PTPRT: variants seen among roughly 807,000 people sequenced by gnomAD.
PTPRT encodes the protein protein tyrosine phosphatase receptor type T.
A neutral mutation model predicts 176.8 loss-of-function variants in PTPRT; 56 were observed. That is an observed-to-expected ratio of 0.32 (90% CI 0.26 to 0.40). PTPRT has a LOEUF of 0.40. PTPRT is among the 10% of genes least tolerant of loss of function. PTPRT has a pLI of 1.00. For missense variants in PTPRT, 1,540 were observed against 1,908.2 expected, an observed-to-expected ratio of 0.81 and a Z score of 3.60; for synonymous variants, 783 against 739.0, an observed-to-expected ratio of 1.06 and a Z score of -0.96.
intron 14 of PTPRT, 142 bp from the exon 15 acceptor site, chr20:42,236,400 G>A (rs1337155119): frequency 8.8e-6 from 6 of 679,122 alleles, no homozygotes; most frequent in Non-Finnish European, 1.5e-5. Flanking sequence ...AGCTCAAGGA[G>A]ATGCAAGTTC....
At chr20:42,439,006 T>C (rs2059288001) in intron 9 of PTPRT, among the ~76,000 whole-genome samples, 1 of 152,232 alleles carries the variant, frequency 6.6e-6, no homozygotes, top group Non-Finnish European at 1.5e-5. Context: ...CCTTCCAGAC[T>C]CTGAGTGCCA....
chr20:42,816,809 G>A (rs2077794788), intron 2 of PTPRT, among the ~76,000 whole-genome samples: 1 of 152,142 alleles, frequency 6.6e-6, no homozygotes, highest in Non-Finnish European at 1.5e-5. Flanking sequence ...TAGCCTCAGG[G>A]AAGTTCTTTA....
intron 9 of PTPRT, among the ~76,000 whole-genome samples, chr20:42,434,400 C>T (rs541813838): frequency 1.3e-5 from 2 of 152,206 alleles, no homozygotes; most frequent in Admixed American, 6.5e-5. Context: ...GGGGATATAC[C>T]TGTGAATACA....
chr20:42,748,038 C>T (rs1397297187), intron 6 of PTPRT, among the ~76,000 whole-genome samples: 1 of 152,302 alleles, frequency 6.6e-6, no homozygotes, highest in East Asian at 1.9e-4. Context: ...CCAAATCCAG[C>T]CCTCTGCCTG....
intron 23 of PTPRT, 119 bp downstream of exon 23, chr20:42,110,214 G>A (rs899750680): frequency 1.2e-5 from 12 of 964,408 alleles, no homozygotes; most frequent in Non-Finnish European, 1.7e-5. Context: ...GACCAGCTAA[G>A]TTTTTGTATC....
intron 9 of PTPRT, among the ~76,000 whole-genome samples, chr20:42,401,514 C>A (rs1306612281): frequency 6.6e-6 from 1 of 152,014 alleles, no homozygotes; most frequent in African/African-American, 2.4e-5. Flanking sequence ...CAGCACTTTG[C>A]AGAACAGGAA....
chr20:42,804,628 G>A (rs1027339142), intron 2 of PTPRT, among the ~76,000 whole-genome samples: 2 of 152,222 alleles, frequency 1.3e-5, no homozygotes, highest in Non-Finnish European at 2.9e-5. Flanking sequence ...GAAGTTGATC[G>A]TCTCACAGTC....
At chr20:42,855,065 T>C (rs889312349) in intron 2 of PTPRT, among the ~76,000 whole-genome samples, 1 of 152,194 alleles carries the variant, frequency 6.6e-6, no homozygotes, top group Non-Finnish European at 1.5e-5. Flanking sequence ...TTGTTTGTTG[T>C]TGTTTTAGTC....
the PTPRT span, among the ~76,000 whole-genome samples, chr20:42,045,989 C>T: frequency 1.3e-5 from 2 of 152,216 alleles, no homozygotes; most frequent in Non-Finnish European, 2.9e-5. Flanking sequence ...CTCAACTACT[C>T]TCCCAAGGCT....
intron 13 of PTPRT, among the ~76,000 whole-genome samples, chr20:42,264,743 TTGCTGTGC>T (rs1007862009): frequency 6.6e-6 from 1 of 152,228 alleles, no homozygotes; most frequent in African/African-American, 2.4e-5. Context: ...GGAGCTGGGG[TTGCTGTGC>T]TGCTGTGCCC....
chr20:42,442,588 T>A lies in PTPRT; in HGVS notation c.1560+5632A>T, dbSNP rs1876742547. Among the ~76,000 whole-genome samples, 3 of 152,196 alleles carry A rather than the reference T, an allele frequency of 2.0e-5. No homozygotes were observed. The South Asian group carries it at 6.2e-4, about 32-fold the overall frequency. ...TACACTGTAATTAGAAACTTGGTGA[T>A]TTTGACTGCTAAACAGAAAGGCTTA... is the stretch of plus-strand genomic sequence containing the variant. On this transcript the variant is annotated intron_variant, in intron 9 of 30. Coordinates refer to ENST00000373187, the MANE Select transcript of PTPRT (RefSeq NM_007050.6).
chr20:42,052,670 C>T, the PTPRT span, among the ~76,000 whole-genome samples: 1 of 152,144 alleles, frequency 6.6e-6, no homozygotes, highest in Non-Finnish European at 1.5e-5. Context: ...CTCAGTTGGG[C>T]CCCAACCTCA....
At chr20:42,582,263 G>A (rs540065709) in intron 7 of PTPRT, among the ~76,000 whole-genome samples, 1 of 152,288 alleles carries the variant, frequency 6.6e-6, no homozygotes, top group South Asian at 2.1e-4. Flanking sequence ...GGTGTGGAGG[G>A]CTGGTCCCAA....
intron 11 of PTPRT, among the ~76,000 whole-genome samples, chr20:42,321,497 A>AACAGGG (rs1457870492): frequency 2.6e-5 from 4 of 152,186 alleles, no homozygotes; most frequent in Non-Finnish European, 5.9e-5. Context: ...ATTCCCCTCC[A>AACAGGG]GTATTCTCAC....
At chr20:42,239,461 C>T (rs1225081071) in intron 14 of PTPRT, among the ~76,000 whole-genome samples, 1 of 145,228 alleles carries the variant, frequency 6.9e-6, no homozygotes, top group Non-Finnish European at 1.5e-5. Flanking sequence ...CACTCTGTCG[C>T]CCAGGCTGGA....
intron 6 of PTPRT, among the ~76,000 whole-genome samples, chr20:42,719,928 G>A (rs932203416): frequency 5.3e-5 from 8 of 152,236 alleles, no homozygotes; most frequent in Non-Finnish European, 1.0e-4. Context: ...ATGAAGCAAC[G>A]AAAGGGGTCA....
intron 14 of PTPRT, among the ~76,000 whole-genome samples, chr20:42,238,469 A>G (rs2146868117): frequency 6.6e-6 from 1 of 152,318 alleles, no homozygotes; most frequent in Non-Finnish European, 1.5e-5. Flanking sequence ...AAAGTCATCA[A>G]ATCCCCTTCA....
chr20:42,366,121 C>G (rs950153248), intron 9 of PTPRT, among the ~76,000 whole-genome samples: 5 of 152,334 alleles, frequency 3.3e-5, no homozygotes, highest in Middle Eastern at 3.4e-3. Flanking sequence ...CCCAGGGCAG[C>G]AGGGCCTTGT....
intron 7 of PTPRT, among the ~76,000 whole-genome samples, chr20:42,506,011 A>G (rs2071837719): frequency 6.6e-6 from 1 of 152,110 alleles, no homozygotes. Flanking sequence ...TGGTGGCAAT[A>G]AAGTCACTTT....
Sources: gnomAD v4.1 joint callset for allele counts (sites outside exome capture counted in the v4.1 genomes callset) on GRCh38, gnomAD v4.1.1 for gene constraint, MANE v1.5 for transcripts, NCBI Gene and HGNC (gene_info 2026-07-23, HGNC 2026-07-21) for gene names.